The following ARHGEF7 variants were observed in gnomAD, a reference collection of about 807,000 sequenced individuals.
ARHGEF7 encodes the protein Rho guanine nucleotide exchange factor 7.
In ARHGEF7, 33 loss-of-function variants were observed where a neutral mutation model predicts 109.8. The observed-to-expected ratio is 0.30, with a 90% confidence interval of 0.23 to 0.40. The LOEUF (loss-of-function observed/expected upper bound fraction) is 0.40, where lower values mean the gene tolerates loss of function less well. Among genes scored for constraint, ARHGEF7 ranks in the 10% least tolerant of loss-of-function variants. ARHGEF7 has a pLI of 1.00. For synonymous variants in ARHGEF7, 458 were observed against 424.6 expected, an observed-to-expected ratio of 1.08 and a Z score of -0.97; for missense variants, 938 against 1,098.5, an observed-to-expected ratio of 0.85 and a Z score of 2.07.
At chr13:111,121,275 G>C (rs1342319036) in intron 1 of ARHGEF7, among the ~76,000 whole-genome samples, 1 of 152,146 alleles carries the variant, frequency 6.6e-6, no homozygotes, top group Non-Finnish European at 1.5e-5. Context: ...CTTTCTCCCC[G>C]GCCGCAGAAC....
At position 111,255,181 on chromosome 13, in the gene ARHGEF7, T is replaced by A. The variant is rs1261208792; in HGVS notation, c.950+10887T>A. ...GATTCGGGCTAAGGCGCTGAGTCGCTAACGTGAAGGCCGGGCTCAGAAGAG... is the reference window on the plus strand; with the variant it reads ...GATTCGGGCTAAGGCGCTGAGTCGCAAACGTGAAGGCCGGGCTCAGAAGAG... On this transcript the variant is annotated intron_variant, in intron 8 of 21. Transcript: ENST00000646102. This position sits in a 1 kb window ranked among gnomAD's most constrained non-coding sequence, Gnocchi z 4.1. 2.0e-5 allele frequency among the ~76,000 whole-genome samples: 3 copies of A among 150,718 alleles called. No individual in the cohort carries two copies. Among genetic ancestry groups the A allele is most frequent in the Non-Finnish European group, 3.0e-5 (2 of 67,774 alleles).
chr13:111,244,917 TC>T, intron 8 of ARHGEF7, among the ~76,000 whole-genome samples: 1 of 152,330 alleles, frequency 6.6e-6, no homozygotes, highest in Middle Eastern at 3.4e-3. Flanking sequence ...GAAAGCACTT[TC>T]TGCATCCTGC....
intron 2 of ARHGEF7, among the ~76,000 whole-genome samples, chr13:111,200,273 A>G (rs997756544): frequency 1.3e-5 from 2 of 152,034 alleles, no homozygotes; most frequent in African/African-American, 4.8e-5. Context: ...CTCTGGAACC[A>G]AGTGTGGGAG....
chr13:111,241,064 G>T (rs2087686844), intron 6 of ARHGEF7: 6 of 1,368,388 alleles, frequency 4.4e-6, no homozygotes, highest in Non-Finnish European at 5.8e-6. Context: ...TGTGCTCTGA[G>T]GCGGGCAGCA....
intron 2 of ARHGEF7, among the ~76,000 whole-genome samples, chr13:111,190,839 G>A (rs2079801751): frequency 6.6e-6 from 1 of 152,116 alleles, no homozygotes; most frequent in Non-Finnish European, 1.5e-5. Flanking sequence ...AACTGGTTGT[G>A]TATGTTAAAA....
At position 111,228,363 on chromosome 13, in the gene ARHGEF7, G is replaced by T. The variant is rs1286572896; in HGVS notation, c.671-4842G>T. On this transcript the variant is annotated intron_variant, in intron 5 of 21. Transcript: ENST00000646102. The surrounding 1 kb of genome is among the most constrained non-coding windows in gnomAD (Gnocchi z 4.6). ...GATAATGGTCTGAGGTTAGGGTTTT[G>T]AGTTTAAAGAAGAAAAGCTCCCTTT... 6.6e-6 allele frequency among the ~76,000 whole-genome samples: 1 copy of T among 152,180 alleles called. No homozygotes were observed. The highest frequency in any genetic ancestry group is 1.5e-5 in the Non-Finnish European group (1 of 68,034).
At chr13:111,256,616 T>TCC (rs972285171) in intron 8 of ARHGEF7, among the ~76,000 whole-genome samples, 1 of 152,230 alleles carries the variant, frequency 6.6e-6, no homozygotes, top group African/African-American at 2.4e-5. Flanking sequence ...CACTGGCATC[T>TCC]CCTCCTTCCT....
intron 2 of ARHGEF7, among the ~76,000 whole-genome samples, chr13:111,188,205 G>A (rs946004300): frequency 6.6e-6 from 1 of 152,154 alleles, no homozygotes; most frequent in Non-Finnish European, 1.5e-5. Context: ...AGCTGTCTTG[G>A]TAGCACCTCC....
intron 18 of ARHGEF7, among the ~76,000 whole-genome samples, chr13:111,289,206 G>C (rs912000014): frequency 6.6e-6 from 1 of 152,160 alleles, no homozygotes; most frequent in African/African-American, 2.4e-5. Context: ...TAATTTTTTT[G>C]TGTTTTTAGT....
intron 19 of ARHGEF7, chr13:111,293,555 T>A (rs2093352996): frequency 2.0e-6 from 2 of 985,338 alleles, no homozygotes; most frequent in African/African-American, 3.5e-5. Context: ...TTGCATTCAG[T>A]TGTAGCATCA....
chr13:111,147,895 C>T (rs1398482071), intron 1 of ARHGEF7, among the ~76,000 whole-genome samples: 1 of 151,890 alleles, frequency 6.6e-6, no homozygotes, highest in Non-Finnish European at 1.5e-5. Flanking sequence ...GACGGGGTTT[C>T]ACCGTTTTAG....
chr13:111,267,465 T>C, intron 8 of ARHGEF7, 83 bp from the exon 9 acceptor site: 3 of 1,564,078 alleles, frequency 1.9e-6, no homozygotes, highest in South Asian at 1.2e-5. Context: ...TTTTCCTTAC[T>C]CAGAGTATTA....
At chr13:111,259,081 T>C (rs915979726) in intron 8 of ARHGEF7, among the ~76,000 whole-genome samples, 3 of 152,174 alleles carry the variant, frequency 2.0e-5, no homozygotes, top group African/African-American at 7.2e-5. Context: ...GTGCACCAGC[T>C]AGATTCCTAA....
chr13:111,294,576 T>G, intron 19 of ARHGEF7: 1 of 985,474 alleles, frequency 1.0e-6, no homozygotes, highest in Non-Finnish European at 1.2e-6. Flanking sequence ...TGACCTTTTC[T>G]TTGCATTTGT....
chr13:111,247,254 T>C (rs1257981457), intron 8 of ARHGEF7, among the ~76,000 whole-genome samples: 2 of 151,764 alleles, frequency 1.3e-5, no homozygotes, highest in Non-Finnish European at 2.9e-5. Flanking sequence ...CATATATATG[T>C]AGCAGTTTCA....
chr13:111,127,342 A>T (rs963597135), intron 1 of ARHGEF7, among the ~76,000 whole-genome samples: 1 of 152,128 alleles, frequency 6.6e-6, no homozygotes, highest in Non-Finnish European at 1.5e-5. Context: ...AAATAACTGT[A>T]ATTTTACACA....
intron 2 of ARHGEF7, among the ~76,000 whole-genome samples, chr13:111,164,180 G>T (rs2076952412): frequency 6.6e-6 from 1 of 152,208 alleles, no homozygotes; most frequent in South Asian, 2.1e-4. Flanking sequence ...ACCTCACGAT[G>T]CCCTGCAGAG....
chr13:111,141,448 A>G (rs1223335447), intron 1 of ARHGEF7, among the ~76,000 whole-genome samples: 2 of 151,636 alleles, frequency 1.3e-5, no homozygotes, highest in African/African-American at 4.9e-5. Context: ...GCTATGGGGG[A>G]AGTGTCGCAC....
At chr13:111,138,540 T>TGTTGTGGAGTTCAGCTGAGC (rs1175034264) in intron 1 of ARHGEF7, among the ~76,000 whole-genome samples, 1 of 152,072 alleles carries the variant, frequency 6.6e-6, no homozygotes, top group Non-Finnish European at 1.5e-5. Flanking sequence ...AAGCAGTTCA[T>TGTTGTGGAGTTCAGCTGAGC]GTTGTGGAGT....
Sources: allele counts gnomAD v4.1 joint callset (sites outside exome capture counted in the v4.1 genomes callset), GRCh38; gene constraint gnomAD v4.1.1; non-coding constraint Gnocchi (gnomAD v3.1); transcripts MANE v1.5; gene names NCBI Gene and HGNC (gene_info 2026-07-23, HGNC 2026-07-21).